GRM8: variants seen among roughly 807,000 people sequenced by gnomAD.
GRM8 encodes metabotropic glutamate receptor 8.
In GRM8, 47 loss-of-function variants were observed where a neutral mutation model predicts 87.2. The ratio of observed to expected loss-of-function variants is 0.54; its 90% confidence interval spans 0.43 to 0.69. The LOEUF is 0.69. Among genes scored for constraint, GRM8 ranks in the 30% least tolerant of loss-of-function variants. The probability of loss-of-function intolerance (pLI) is 0.00; values close to 1 mark genes in which losing one functional copy is unlikely to be tolerated. For synonymous variants in GRM8, 396 were observed against 404.5 expected, an observed-to-expected ratio of 0.98 and a Z score of 0.25; for missense variants, 1,019 against 1,139.2, an observed-to-expected ratio of 0.89 and a Z score of 1.52.
At chr7:126,578,947 T>C (rs1309534981) in intron 8 of GRM8, among the ~76,000 whole-genome samples, 2 of 152,138 alleles carry the variant, frequency 1.3e-5, no homozygotes, top group Non-Finnish European at 2.9e-5. Context: ...ACAAGGAAAT[T>C]TTTCACATTT....
chr7:126,958,028 C>CA (rs1280430888), intron 3 of GRM8, among the ~76,000 whole-genome samples: 2 of 152,136 alleles, frequency 1.3e-5, no homozygotes, highest in African/African-American at 4.8e-5. Flanking sequence ...TTGGGATTAC[C>CA]AACTGCAGGA....
chr7:126,902,454 T>C lies in GRM8; in HGVS notation c.1156+88A>G, dbSNP rs1802187626. ...CAAAAAATAGAAAATACATTCATCA[T>C]TATCCATATAGAAAAACGTAATTTA... On this transcript the variant is annotated intron_variant, in intron 6 of 10. Transcript: ENST00000339582. 6.9e-5 allele frequency: 73 copies of C among 1,057,412 alleles called. No homozygotes were observed. In the South Asian group the frequency reaches 1.1e-3, roughly 16 times the overall value. 65.5% of individuals were successfully genotyped at this position (1,057,412 alleles called of 1,614,324 possible). A position where few individuals can be genotyped will look rare whatever the true frequency, so the allele number is the denominator to read the frequency against.
intron 7 of GRM8, chr7:126,701,700 G>T: frequency 1.8e-6 from 1 of 570,602 alleles, no homozygotes; most frequent in Admixed American, 2.6e-5. Flanking sequence ...TTTAGTTTTA[G>T]AAATCCTACA....
At chr7:127,203,518 G>A (rs1795728845) in intron 2 of GRM8, among the ~76,000 whole-genome samples, 2 of 152,220 alleles carry the variant, frequency 1.3e-5, no homozygotes, top group African/African-American at 4.8e-5. Context: ...GACTCACCTG[G>A]CCAACATGGT....
At chr7:126,843,091 T>A (rs1796419467) in intron 6 of GRM8, among the ~76,000 whole-genome samples, 1 of 146,364 alleles carries the variant, frequency 6.8e-6, no homozygotes. Context: ...AGAAGATAAC[T>A]TTCCTGAAAG....
At position 127,113,015 on chromosome 7, in the gene GRM8, T is replaced by G. The variant is rs28951994; in HGVS notation, c.511-6303A>C. ...GCTTACATCTCCCCCAAACCAACTG[T>G]GTCTCTCCATGTTGCCTTCACTGAG... On this transcript the variant is annotated intron_variant, in intron 2 of 10. Transcript: ENST00000339582. 1.7e-3 allele frequency among the ~76,000 whole-genome samples: 262 copies of G among 152,334 alleles called. 4 individuals are homozygous for G. In the East Asian group the frequency reaches 0.041, roughly 24 times the overall value.
intron 3 of GRM8, among the ~76,000 whole-genome samples, chr7:126,943,356 T>C (rs987891906): frequency 3.3e-5 from 5 of 152,094 alleles, no homozygotes; most frequent in Non-Finnish European, 5.9e-5. Context: ...GTGGGACACA[T>C]GGCAGAGCCC....
Position 127,243,419 on chromosome 7 carries a change from C to T in GRM8, c.-215G>A, listed in dbSNP as rs796522818. On this transcript the variant is annotated 5_prime_UTR_variant, in exon 2 of 11. Transcript: ENST00000339582. ...TTTATTTCCTTATAAGATCAACTTG[C>T]CTGGAATGGTGCAAAAATTAGAACA... 39 of 541,462 alleles carry T rather than the reference C, an allele frequency of 7.2e-5. No individual in the cohort carries two copies. The highest frequency in any genetic ancestry group is 6.1e-4 in the African/African-American group (32 of 52,774). 33.5% of individuals were successfully genotyped at this position (541,462 alleles called of 1,614,324 possible). A position where few individuals can be genotyped will look rare whatever the true frequency, so the allele number is the denominator to read the frequency against.
At chr7:127,072,349 C>T (rs1296039999) in intron 3 of GRM8, among the ~76,000 whole-genome samples, 4 of 152,176 alleles carry the variant, frequency 2.6e-5, no homozygotes, top group Non-Finnish European at 1.5e-5. Flanking sequence ...CGCCCCTCTT[C>T]CAATAGGATC....
intron 9 of GRM8, among the ~76,000 whole-genome samples, chr7:126,491,264 C>T (rs1471673035): frequency 6.6e-6 from 1 of 151,998 alleles, no homozygotes; most frequent in African/African-American, 2.4e-5. Context: ...TCTCCATAGA[C>T]CCTAGACAAT....
chr7:127,240,424 C>CAAAAAAAAAA (rs11305864), intron 2 of GRM8, among the ~76,000 whole-genome samples: 1 of 141,344 alleles, frequency 7.1e-6, no homozygotes, highest in Non-Finnish European at 1.5e-5. Context: ...GATTCTATGG[C>CAAAAAAAAAA]AAAAAAAAAA....
chr7:127,199,712 C>T (rs961773296), intron 2 of GRM8, among the ~76,000 whole-genome samples: 1 of 152,174 alleles, frequency 6.6e-6, no homozygotes. Flanking sequence ...GCAAATTGTG[C>T]CTCCTTTCAG....
intron 3 of GRM8, among the ~76,000 whole-genome samples, chr7:127,083,931 G>C (rs926619651): frequency 3.3e-5 from 5 of 152,120 alleles, no homozygotes; most frequent in Admixed American, 6.5e-5. Context: ...GCTATGTTCT[G>C]TTCATTTGGG....
rs79730874 is a variant in GRM8, at chr7:127,096,742, C to T, written c.727+9754G>A. Reference sequence around the variant, plus strand: ...TTGCTACAATATGACAAATCTGGAACATAAACCCAGCCAGTGAGAAGTTCT... The same window carrying T: ...TTGCTACAATATGACAAATCTGGAATATAAACCCAGCCAGTGAGAAGTTCT... On this transcript the variant is annotated intron_variant, in intron 3 of 10. Transcript: ENST00000339582. Among the ~76,000 whole-genome samples the T allele has an allele frequency of 3.1e-3, 474 of 152,246 alleles. 3 individuals carry two copies. Among genetic ancestry groups the T allele is most frequent in the African/African-American group, 0.011 (462 of 41,546 alleles).
Position 126,533,672 on chromosome 7 carries a change from C to G in GRM8, c.1710G>C (p.Gln570His). ...QRPNMNRTGC[Q>H]LIPIIKLEWH... ...ACTCCAATTTGATGATGGGGATAAGCTGGCAGCCTGTGCGGTTCATGTTGG... is the reference window on the plus strand; with the variant it reads ...ACTCCAATTTGATGATGGGGATAAGGTGGCAGCCTGTGCGGTTCATGTTGG... The change falls in exon 9 of 11, where the codon CAG becomes CAC. Residue 570 changes from glutamine to histidine, a missense_variant. Coordinates refer to ENST00000339582, the MANE Select transcript of GRM8 (RefSeq NM_000845.3). 6.2e-7 allele frequency: 1 copy of G among 1,614,056 alleles called. No individual in the cohort carries two copies. The highest frequency in any genetic ancestry group is 8.5e-7 in the Non-Finnish European group (1 of 1,179,978).
intron 3 of GRM8, among the ~76,000 whole-genome samples, chr7:126,927,301 G>T (rs562861936): frequency 6.6e-6 from 1 of 152,092 alleles, no homozygotes; most frequent in South Asian, 2.1e-4. Flanking sequence ...ACACTTGGTA[G>T]TATGTTTTTT....
chr7:126,583,089 C>T (rs1795760366), intron 8 of GRM8, among the ~76,000 whole-genome samples: 1 of 152,168 alleles, frequency 6.6e-6, no homozygotes, highest in Non-Finnish European at 1.5e-5. Flanking sequence ...GGAGTGGTGG[C>T]TCATGCCTGT....
chr7:126,943,111 AT>A (rs1807150096), intron 3 of GRM8, among the ~76,000 whole-genome samples: 1 of 152,142 alleles, frequency 6.6e-6, no homozygotes, highest in Non-Finnish European at 1.5e-5. Flanking sequence ...AAGATTCTAG[AT>A]TTTATCAGAT....
At chr7:126,455,206 A>G (rs571966242) in intron 9 of GRM8, among the ~76,000 whole-genome samples, 3 of 151,736 alleles carry the variant, frequency 2.0e-5, no homozygotes, top group Non-Finnish European at 4.4e-5. Context: ...TGAGAATTAC[A>G]CAGTCACGAA....
Sources: allele counts gnomAD v4.1 joint callset (sites outside exome capture counted in the v4.1 genomes callset), GRCh38; gene constraint gnomAD v4.1.1; transcripts MANE v1.5; gene names NCBI Gene and HGNC (gene_info 2026-07-23, HGNC 2026-07-21).